The following LPCAT2 variants were observed in gnomAD, a reference collection of about 807,000 sequenced individuals.
LPCAT2 encodes the protein 1-AGP acyltransferase 11.
LPCAT2 carries 58 observed loss-of-function variants against 64.7 expected under a neutral mutation model. That is an observed-to-expected ratio of 0.90 (90% CI 0.73 to 1.12). The LOEUF (loss-of-function observed/expected upper bound fraction) is 1.12. Among genes scored for constraint, LPCAT2 ranks in the 50% most tolerant of loss-of-function variants. The pLI is 0.00. For synonymous variants in LPCAT2, 252 were observed against 245.3 expected, an observed-to-expected ratio of 1.03 and a Z score of -0.26; for missense variants, 579 against 669.8, an observed-to-expected ratio of 0.86 and a Z score of 1.50.
intron 2 of LPCAT2, among the ~76,000 whole-genome samples, chr16:55,527,748 T>C (rs1963192394): frequency 6.6e-6 from 1 of 152,192 alleles, no homozygotes; most frequent in Non-Finnish European, 1.5e-5. Flanking sequence ...TGGAATTGCT[T>C]AAGTACATCT....
At chr16:55,567,731 A>G in intron 11 of LPCAT2, 1 of 503,186 alleles carries the variant, frequency 2.0e-6, no homozygotes. Flanking sequence ...ATTTGGATTT[A>G]TATGGACTTG....
chr16:55,511,470 AATG>A (rs1236093896), intron 1 of LPCAT2, among the ~76,000 whole-genome samples: 1 of 152,224 alleles, frequency 6.6e-6, no homozygotes, highest in African/African-American at 2.4e-5. Context: ...TTTAATCTTA[AATG>A]ATGATCAATG....
chr16:55,514,883 C>A (rs1267121945), intron 1 of LPCAT2, among the ~76,000 whole-genome samples: 1 of 138,012 alleles, frequency 7.2e-6, no homozygotes, highest in Non-Finnish European at 1.6e-5. Context: ...AATAAAGATG[C>A]AATGCATTGT....
rs1417414491 is a variant in LPCAT2 at position 55,567,076 on chromosome 16, T to C, written c.1216-7555T>C. 3 of 1,613,730 alleles carry C rather than the reference T, an allele frequency of 1.9e-6. No individual in the cohort carries two copies. The Admixed American group carries it at 5.0e-5, about 27-fold the overall frequency. ...GATCTGATGAATATTCTCAACAAAG[T>C]CCTTTCTAAGCACAAAGATCTTAAG... On this transcript the variant is annotated intron_variant, in intron 11 of 13. Coordinates refer to ENST00000262134, the MANE Select transcript of LPCAT2 (RefSeq NM_017839.5).
chr16:55,527,771 A>T (rs1567393476), intron 2 of LPCAT2, among the ~76,000 whole-genome samples: 1 of 152,190 alleles, frequency 6.6e-6, no homozygotes, highest in Non-Finnish European at 1.5e-5. Context: ...GTTCCAGGGA[A>T]GTGAGATGTT....
chr16:55,561,328 G>T (rs1963633290), intron 11 of LPCAT2, among the ~76,000 whole-genome samples: 1 of 147,840 alleles, frequency 6.8e-6, no homozygotes, highest in African/African-American at 2.5e-5. Flanking sequence ...CCCCAAATTG[G>T]GACTAAATTA....
chr16:55,533,656 AC>A (rs1298386996), intron 6 of LPCAT2, among the ~76,000 whole-genome samples: 3 of 151,756 alleles, frequency 2.0e-5, no homozygotes, highest in East Asian at 1.9e-4. Context: ...CAAGTAATCC[AC>A]CTGTCTTGGC....
chr16:55,573,401 T>TG (rs1963792093), intron 11 of LPCAT2, among the ~76,000 whole-genome samples: 1 of 151,728 alleles, frequency 6.6e-6, no homozygotes, highest in Non-Finnish European at 1.5e-5. Flanking sequence ...TTTGTTTTTT[T>TG]TTTTCTTAGC....
intron 1 of LPCAT2, among the ~76,000 whole-genome samples, chr16:55,511,092 T>G (rs1320124710): frequency 2.0e-5 from 3 of 152,140 alleles, no homozygotes; most frequent in Non-Finnish European, 2.9e-5. Context: ...TGAACTATAC[T>G]TTTCTCGTCT....
At position 55,584,967 on chromosome 16, in the gene LPCAT2, C is replaced by G. The variant is rs983413779; in HGVS notation, c.*1869C>G. On this transcript the variant is annotated 3_prime_UTR_variant, in exon 14 of 14. Transcript: ENST00000262134. ...ATGTAATACTAAAAAATCATGACTA[C>G]TTTTATCAAAGAAAAACCACACATT... is the stretch of plus-strand genomic sequence containing the variant. The G allele has an allele frequency of 2.6e-5, 4 of 152,132 alleles. No individual in the cohort carries two copies. Among genetic ancestry groups the G allele is most frequent in the Non-Finnish European group, 4.4e-5 (3 of 68,000 alleles). The allele number at this position is 152,132 out of a possible 1,614,324, so 9.4% of individuals were successfully genotyped here.
chr16:55,569,208 A>T (rs1407910119), intron 11 of LPCAT2, among the ~76,000 whole-genome samples: 2 of 152,192 alleles, frequency 1.3e-5, no homozygotes, highest in Admixed American at 6.5e-5. Context: ...CACCATCATC[A>T]CCATCATACA....
Position 55,575,670 on chromosome 16 carries a change from C to T in LPCAT2, c.1314+941C>T, listed in dbSNP as rs1393827289. On this transcript the variant is annotated intron_variant, in intron 12 of 13. Transcript: ENST00000262134. ...AAGAAGGCTTTCCCCCCTCTATTAT[C>T]TAGAAAGACTTTCTTCTTCCAAGAG... Among the ~76,000 whole-genome samples, 3 of 152,288 alleles carry T rather than the reference C, an allele frequency of 2.0e-5. No homozygotes were observed. The East Asian group carries it at 5.8e-4, about 29-fold the overall frequency.
At chr16:55,538,494 T>G (rs1963351872) in intron 8 of LPCAT2, 2 of 152,208 alleles carry the variant, frequency 1.3e-5, no homozygotes, top group Non-Finnish European at 2.9e-5. Context: ...AGCTTAGTGA[T>G]TTGGCCATTT....
intron 1 of LPCAT2, among the ~76,000 whole-genome samples, 173 bp from the exon 2 acceptor site, chr16:55,525,335 A>G (rs576237251): frequency 6.6e-6 from 1 of 152,246 alleles, no homozygotes; most frequent in South Asian, 2.1e-4. Context: ...GAAGTCAGAT[A>G]TAATTTGTTA....
chr16:55,509,876 T>A (rs939438671), intron 1 of LPCAT2, among the ~76,000 whole-genome samples: 20 of 151,668 alleles, frequency 1.3e-4, no homozygotes, highest in African/African-American at 4.1e-4. Flanking sequence ...GCAGGCTACA[T>A]TCCATGCCCC....
chr16:55,555,386 T>G (rs578031823), intron 11 of LPCAT2, among the ~76,000 whole-genome samples: 1 of 152,370 alleles, frequency 6.6e-6, no homozygotes, highest in African/African-American at 2.4e-5. Context: ...TATGGTATTT[T>G]GTCCAGAGGT....
intron 12 of LPCAT2, among the ~76,000 whole-genome samples, chr16:55,577,177 T>C (rs752608117): frequency 1.3e-5 from 2 of 152,164 alleles, no homozygotes; most frequent in Non-Finnish European, 2.9e-5. Flanking sequence ...AGGCACTGAG[T>C]GGTAAGAAAT....
At chr16:55,525,738 A>G (rs1470202646) in intron 2 of LPCAT2, 91 bp downstream of exon 2, 1 of 966,770 alleles carries the variant, frequency 1.0e-6, no homozygotes, top group African/African-American at 1.7e-5. Flanking sequence ...TAGTTTAGTC[A>G]GTGATCTAAC....
chr16:55,531,668 A>G (rs1351539315), intron 4 of LPCAT2, among the ~76,000 whole-genome samples: 1 of 152,320 alleles, frequency 6.6e-6, no homozygotes, highest in East Asian at 1.9e-4. Context: ...TTTATCATTA[A>G]GAGACATTTG....
Sources: allele counts gnomAD v4.1 joint callset (sites outside exome capture counted in the v4.1 genomes callset), GRCh38; gene constraint gnomAD v4.1.1; transcripts MANE v1.5; gene names NCBI Gene and HGNC (gene_info 2026-07-23, HGNC 2026-07-21).